EYA1: variants seen among roughly 807,000 people sequenced by gnomAD.
EYA1 encodes the protein EYA transcriptional coactivator and phosphatase 1, also known as protein phosphatase EYA1.
A neutral mutation model predicts 82.0 loss-of-function variants in EYA1; 16 were observed. That is an observed-to-expected ratio of 0.20 (90% CI 0.13 to 0.30). The LOEUF is 0.30. Ranked by LOEUF, EYA1 falls within the 10% of genes least tolerant of loss-of-function variation. The pLI is 1.00. For missense variants in EYA1, 633 were observed against 730.7 expected, an observed-to-expected ratio of 0.87 and a Z score of 1.54; for synonymous variants, 261 against 264.4, an observed-to-expected ratio of 0.99 and a Z score of 0.12.
At position 71,470,903 on chromosome 8, in the gene EYA1, G is replaced by A. The variant is rs545460963; in HGVS notation, c.33+64841C>T. 1.0e-4 allele frequency: 46 copies of A among 454,752 alleles called. 1 individual carries two copies. Among genetic ancestry groups the A allele is most frequent in the East Asian group, 4.2e-4 (6 of 14,328 alleles). 28.2% of individuals were successfully genotyped at this position (454,752 alleles called of 1,614,324 possible). A position where few individuals can be genotyped will look rare whatever the true frequency, so the allele number is the denominator to read the frequency against. On this transcript the variant is annotated intron_variant, in intron 2 of 18. Transcript: ENST00000643681. ...TGCTGCTGTGGTTGCTCCAAATGTC[G>A]TAACATATTGAACAGCAGTGCCAAT...
intron 17 of EYA1, among the ~76,000 whole-genome samples, chr8:71,203,635 T>C (rs1807358727): frequency 6.6e-6 from 1 of 152,118 alleles, no homozygotes; most frequent in Admixed American, 6.5e-5. Context: ...TAGCAGCACT[T>C]GGAATATCTA....
intron 2 of EYA1, among the ~76,000 whole-genome samples, chr8:71,367,184 G>A (rs1366993776): frequency 6.6e-6 from 1 of 151,928 alleles, no homozygotes; most frequent in Non-Finnish European, 1.5e-5. Flanking sequence ...ATATTAAAAA[G>A]GAAAAGCAAA....
intron 12 of EYA1, among the ~76,000 whole-genome samples, chr8:71,221,463 C>T (rs774293526): frequency 3.9e-5 from 6 of 152,098 alleles, no homozygotes; most frequent in Non-Finnish European, 7.3e-5. Flanking sequence ...GGGATCAAGA[C>T]GTGGGAAGAG....
intron 1 of EYA1, among the ~76,000 whole-genome samples, chr8:71,536,135 G>A (rs1305138801): frequency 2.6e-5 from 4 of 152,042 alleles, no homozygotes; most frequent in Non-Finnish European, 4.4e-5. Context: ...AGATCCTTCC[G>A]CACACATTAT....
chr8:71,459,577 T>C (rs1808213623), intron 2 of EYA1, among the ~76,000 whole-genome samples: 1 of 152,190 alleles, frequency 6.6e-6, no homozygotes, highest in East Asian at 1.9e-4. Flanking sequence ...TTATTTTAAA[T>C]GAATTTTTCT....
At chr8:71,481,121 G>A (rs2129211930) in intron 2 of EYA1, among the ~76,000 whole-genome samples, 1 of 152,112 alleles carries the variant, frequency 6.6e-6, no homozygotes, top group East Asian at 1.9e-4. Flanking sequence ...AGAAAATTAT[G>A]CACAAATAAA....
At chr8:71,433,225 C>G (rs1050328496) in intron 2 of EYA1, among the ~76,000 whole-genome samples, 2 of 151,928 alleles carry the variant, frequency 1.3e-5, no homozygotes, top group African/African-American at 4.8e-5. Context: ...TCCCTGGTCT[C>G]TAGAAAATAA....
chr8:71,452,817 G>A (rs1259797775), intron 2 of EYA1, among the ~76,000 whole-genome samples: 2 of 152,030 alleles, frequency 1.3e-5, no homozygotes, highest in East Asian at 3.8e-4. Context: ...CAAAGATCGG[G>A]AAAAAAACAG....
intron 2 of EYA1, among the ~76,000 whole-genome samples, chr8:71,411,822 G>A (rs1013787549): frequency 2.7e-4 from 40 of 146,126 alleles, no homozygotes; most frequent in Admixed American, 6.1e-4. Context: ...TCAGTGTGGC[G>A]ATTCCTCAGG....
intron 2 of EYA1, among the ~76,000 whole-genome samples, chr8:71,486,763 G>C (rs1182713937): frequency 6.6e-6 from 1 of 152,084 alleles, no homozygotes; most frequent in African/African-American, 2.4e-5. Flanking sequence ...CGTCTGCCCT[G>C]CAGACCCAAA....
intron 12 of EYA1, among the ~76,000 whole-genome samples, chr8:71,221,198 ATGG>A (rs2128864818): frequency 6.6e-6 from 1 of 152,158 alleles, no homozygotes; most frequent in South Asian, 2.1e-4. Flanking sequence ...AACCGATAAA[ATGG>A]TGGCCTACTG....
chr8:71,492,763 C>A (rs1244076102), intron 2 of EYA1, among the ~76,000 whole-genome samples: 1 of 152,070 alleles, frequency 6.6e-6, no homozygotes. Context: ...CTGCGCCCGG[C>A]CTTTTCTTTT....
At chr8:71,399,085 C>A (rs189859636) in intron 2 of EYA1, among the ~76,000 whole-genome samples, 1 of 152,220 alleles carries the variant, frequency 6.6e-6, no homozygotes, top group Non-Finnish European at 1.5e-5. Context: ...GGCGTGGGAC[C>A]CTCCAAGCCA....
intron 3 of EYA1, 69 bp downstream of exon 3, chr8:71,354,713 C>T (rs547591378): frequency 1.3e-6 from 2 of 1,486,266 alleles, no homozygotes; most frequent in Admixed American, 3.4e-5. Flanking sequence ...ATCATAACCA[C>T]CTAATAACAA....
At chr8:71,485,084 C>T (rs1316678082) in intron 2 of EYA1, among the ~76,000 whole-genome samples, 1 of 152,120 alleles carries the variant, frequency 6.6e-6, no homozygotes, top group African/African-American at 2.4e-5. Context: ...CTAATGGATG[C>T]GTATTTCATT....
At chr8:71,437,195 C>A (rs1806077195) in intron 2 of EYA1, among the ~76,000 whole-genome samples, 1 of 150,470 alleles carries the variant, frequency 6.6e-6, no homozygotes, top group Non-Finnish European at 1.5e-5. Context: ...ATTTTTTGTC[C>A]ATTAGTTTGA....
chr8:71,401,952 C>T (rs557082730), intron 2 of EYA1, among the ~76,000 whole-genome samples: 1 of 152,150 alleles, frequency 6.6e-6, no homozygotes, highest in Non-Finnish European at 1.5e-5. Flanking sequence ...ATTAAGGATG[C>T]CAGTGATATC....
At chr8:71,401,974 G>T (rs1313130379) in intron 2 of EYA1, among the ~76,000 whole-genome samples, 1 of 152,142 alleles carries the variant, frequency 6.6e-6, no homozygotes, top group Non-Finnish European at 1.5e-5. Flanking sequence ...CTGACCGTAA[G>T]AACTGTCCAG....
chr8:71,523,181 T>TTTC (rs1563701450), intron 2 of EYA1, among the ~76,000 whole-genome samples: 14 of 138,430 alleles, frequency 1.0e-4, no homozygotes, highest in African/African-American at 3.1e-4. Flanking sequence ...TTCTTTTTCT[T>TTTC]TTTTTTTTTT....
Sources: allele counts gnomAD v4.1 joint callset (sites outside exome capture counted in the v4.1 genomes callset), GRCh38; gene constraint gnomAD v4.1.1; transcripts MANE v1.5; gene names NCBI Gene and HGNC (gene_info 2026-07-23, HGNC 2026-07-21).